The following AUTS2 variants were observed in gnomAD, a reference collection of about 807,000 sequenced individuals.
AUTS2 encodes the protein activator of transcription and developmental regulator AUTS2.
A neutral mutation model predicts 112.4 loss-of-function variants in AUTS2; 17 were observed. The observed-to-expected ratio is 0.15, with a 90% confidence interval of 0.10 to 0.23. AUTS2 has a LOEUF of 0.23. Among genes scored for constraint, AUTS2 ranks in the 10% least tolerant of loss-of-function variants. The pLI is 1.00. For missense variants in AUTS2, 1,510 were observed against 1,701.6 expected, an observed-to-expected ratio of 0.89 and a Z score of 1.98; for synonymous variants, 751 against 702.7, an observed-to-expected ratio of 1.07 and a Z score of -1.09.
intron 4 of AUTS2, among the ~76,000 whole-genome samples, chr7:70,249,905 G>A (rs1786502631): frequency 7.1e-6 from 1 of 140,352 alleles, no homozygotes; most frequent in Admixed American, 7.0e-5. Flanking sequence ...AATATTTTAA[G>A]TAAAATTTTA....
intron 6 of AUTS2, among the ~76,000 whole-genome samples, chr7:70,717,776 T>G (rs1810461364): frequency 5.3e-5 from 8 of 152,196 alleles, no homozygotes; most frequent in Admixed American, 5.2e-4. Flanking sequence ...GGTGCTGCCT[T>G]TTTTGGCAGA....
chr7:70,050,053 G>A (rs1392201138), intron 2 of AUTS2, among the ~76,000 whole-genome samples: 2 of 152,042 alleles, frequency 1.3e-5, no homozygotes, highest in African/African-American at 4.8e-5. Context: ...TAGTTTTGTT[G>A]ATTTTAGAAG....
intron 1 of AUTS2, among the ~76,000 whole-genome samples, chr7:69,638,057 C>A (rs1247486656): frequency 1.3e-5 from 2 of 152,230 alleles, no homozygotes; most frequent in East Asian, 3.8e-4. Flanking sequence ...CTTGCTCTGT[C>A]ACCCAGACTG....
At chr7:70,181,811 T>G (rs1407547623) in intron 4 of AUTS2, among the ~76,000 whole-genome samples, 1 of 144,476 alleles carries the variant, frequency 6.9e-6, no homozygotes, top group Non-Finnish European at 1.5e-5. Context: ...TTTTTTTTTT[T>G]TTTTGAGATG....
chr7:70,450,093 C>G (rs1027545046), intron 5 of AUTS2, among the ~76,000 whole-genome samples: 2 of 152,196 alleles, frequency 1.3e-5, no homozygotes, highest in Admixed American at 1.3e-4. Flanking sequence ...AAGTGATGTT[C>G]CTAAGACTAG....
chr7:70,068,715 A>G lies in AUTS2; in HGVS notation c.523-49417A>G, dbSNP rs573917984. Among the ~76,000 whole-genome samples the G allele has an allele frequency of 3.3e-4, 50 of 152,344 alleles. No homozygotes were observed. The South Asian group carries it at 6.2e-3, about 19-fold the overall frequency. On this transcript the variant is annotated intron_variant, in intron 2 of 18. Transcript: ENST00000342771. ...AGAAAAGAAAAGCAATCAAACAACA[A>G]GGTGATTAATGTAGCCACTTCAACT...
chr7:70,493,429 G>T (rs1184445296), intron 5 of AUTS2, among the ~76,000 whole-genome samples: 1 of 152,162 alleles, frequency 6.6e-6, no homozygotes, highest in Non-Finnish European at 1.5e-5. Context: ...GCAACAAAGT[G>T]AAACCTCATT....
intron 1 of AUTS2, among the ~76,000 whole-genome samples, chr7:69,614,923 G>T (rs1362026891): frequency 6.6e-6 from 1 of 152,176 alleles, no homozygotes; most frequent in Non-Finnish European, 1.5e-5. Context: ...TACCATACTA[G>T]AATTCTATTT....
chr7:70,218,207 A>AG (rs1161780428), intron 4 of AUTS2, among the ~76,000 whole-genome samples: 1 of 152,172 alleles, frequency 6.6e-6, no homozygotes, highest in Non-Finnish European at 1.5e-5. Flanking sequence ...TCATCCACCA[A>AG]GGGGGCAGTG....
intron 4 of AUTS2, among the ~76,000 whole-genome samples, chr7:70,307,607 T>C (rs554343021): frequency 8.1e-4 from 124 of 152,304 alleles, no homozygotes; most frequent in Middle Eastern, 6.8e-3. Context: ...AGCATTATTA[T>C]CTGTATTTTA....
chr7:69,897,986 T>G (rs923497053), intron 1 of AUTS2, among the ~76,000 whole-genome samples: 2 of 152,208 alleles, frequency 1.3e-5, no homozygotes, highest in African/African-American at 2.4e-5. Flanking sequence ...CTATTTTGGT[T>G]TTGTTTTATT....
At chr7:70,227,314 TA>T (rs35985477) in intron 4 of AUTS2, among the ~76,000 whole-genome samples, 396 of 144,708 alleles carry the variant, frequency 2.7e-3, no homozygotes, top group African/African-American at 4.6e-3. Flanking sequence ...CTCATGCATT[TA>T]AAAAAAAAAA....
At chr7:69,780,917 A>G (rs991471020) in intron 1 of AUTS2, among the ~76,000 whole-genome samples, 2 of 152,246 alleles carry the variant, frequency 1.3e-5, no homozygotes, top group Non-Finnish European at 2.9e-5. Flanking sequence ...GTCAACTTGC[A>G]TACTGATTTC....
intron 18 of AUTS2, among the ~76,000 whole-genome samples, chr7:70,788,826 C>T (rs1672469947): frequency 6.6e-6 from 1 of 152,246 alleles, no homozygotes; most frequent in Non-Finnish European, 1.5e-5. Context: ...CTGCTCTCCT[C>T]AACTTTGCCA....
chr7:69,873,205 C>CA (rs1355709987), intron 1 of AUTS2, among the ~76,000 whole-genome samples: 2 of 152,052 alleles, frequency 1.3e-5, no homozygotes, highest in Non-Finnish European at 2.9e-5. Context: ...TTTATAAGTT[C>CA]AGAGAACTAG....
intron 5 of AUTS2, among the ~76,000 whole-genome samples, chr7:70,497,250 G>A (rs1260997507): frequency 5.1e-5 from 6 of 117,844 alleles, no homozygotes; most frequent in South Asian, 2.8e-4. Context: ...CACACACCAC[G>A]TACACAGTCA....
At chr7:70,496,075 A>G (rs1798476369) in intron 5 of AUTS2, among the ~76,000 whole-genome samples, 1 of 137,590 alleles carries the variant, frequency 7.3e-6, no homozygotes, top group Non-Finnish European at 1.5e-5. Context: ...CCCCACTCAC[A>G]GACACCACAT....
At chr7:70,041,537 A>G (rs1801247425) in intron 2 of AUTS2, among the ~76,000 whole-genome samples, 1 of 152,226 alleles carries the variant, frequency 6.6e-6, no homozygotes, top group South Asian at 2.1e-4. Context: ...CCTGCCAGCA[A>G]GGGATGTTTC....
intron 6 of AUTS2, among the ~76,000 whole-genome samples, chr7:70,735,463 C>T (rs920913653): frequency 1.3e-5 from 2 of 152,142 alleles, no homozygotes; most frequent in African/African-American, 4.8e-5. Context: ...GTTTGCCTAA[C>T]CCTGACCCTC....
Sources: gnomAD v4.1 joint callset for allele counts (sites outside exome capture counted in the v4.1 genomes callset) on GRCh38, gnomAD v4.1.1 for gene constraint, MANE v1.5 for transcripts, NCBI Gene and HGNC (gene_info 2026-07-23, HGNC 2026-07-21) for gene names.